The following MAST4 variants were observed in gnomAD, a reference collection of about 807,000 sequenced individuals.
The protein encoded by MAST4 is microtubule associated serine/threonine kinase family member 4, also known as microtubule-associated serine/threonine-protein kinase 4.
In MAST4, 89 loss-of-function variants were observed where a neutral mutation model predicts 162.7. That is an observed-to-expected ratio of 0.55 (90% CI 0.46 to 0.65). MAST4 has a LOEUF of 0.65. MAST4 is among the 30% of genes least tolerant of loss of function. The probability of loss-of-function intolerance (pLI) is 0.00; values close to 1 mark genes in which losing one functional copy is unlikely to be tolerated. For missense variants in MAST4, 3,153 were observed against 3,374.0 expected, an observed-to-expected ratio of 0.93 and a Z score of 1.62; for synonymous variants, 1,479 against 1,361.1, an observed-to-expected ratio of 1.09 and a Z score of -1.91.
rs539205257 is a variant in MAST4, at chr5:66,620,793, A to T, written c.363+23775A>T. On this transcript the variant is annotated intron_variant, in intron 1 of 28. Transcript: ENST00000403625. ...TTACAGGTCCTGATTTTTTTTTTTT[A>T]AATGTCTCACCAGAAGTGATAACTC... Among the ~76,000 whole-genome samples the T allele has an allele frequency of 4.9e-4, 74 of 149,566 alleles. 1 individual carries two copies. The highest frequency in any genetic ancestry group is 4.5e-3 in the Admixed American group (68 of 15,116).
At chr5:66,599,172 A>G (rs1207937647) in intron 1 of MAST4, among the ~76,000 whole-genome samples, 1 of 152,106 alleles carries the variant, frequency 6.6e-6, no homozygotes, top group Non-Finnish European at 1.5e-5. Context: ...GGAGTAGAGG[A>G]GTGATAATCT....
chr5:66,963,387 A>G (rs1228570877), intron 4 of MAST4, among the ~76,000 whole-genome samples: 1 of 152,204 alleles, frequency 6.6e-6, no homozygotes, highest in Admixed American at 6.5e-5. Flanking sequence ...AATAAAATAT[A>G]CTCAATATAA....
intron 4 of MAST4, among the ~76,000 whole-genome samples, chr5:66,932,546 C>A (rs987551567): frequency 7.2e-5 from 11 of 152,100 alleles, no homozygotes; most frequent in Non-Finnish European, 1.2e-4. Context: ...TGTGCTTATG[C>A]TTTGAATTAA....
chr5:66,803,838 C>T (rs1756041714), intron 3 of MAST4, among the ~76,000 whole-genome samples: 1 of 151,884 alleles, frequency 6.6e-6, no homozygotes. Context: ...TTAGGACTTC[C>T]AGGATTAAGT....
chr5:66,986,577 A>ATT, intron 4 of MAST4: 2 of 527,912 alleles, frequency 3.8e-6, no homozygotes, highest in Non-Finnish European at 5.5e-6. Context: ...ACATATATAT[A>ATT]TTAAAAATAT....
intron 11 of MAST4, among the ~76,000 whole-genome samples, chr5:67,113,187 G>A (rs756214306): frequency 4.9e-4 from 75 of 151,880 alleles, no homozygotes; most frequent in Non-Finnish European, 3.1e-4. Flanking sequence ...GGTGGTGGGC[G>A]CCTGTAGTCC....
chr5:67,066,112 T>C (rs963111216), intron 5 of MAST4, among the ~76,000 whole-genome samples: 2 of 152,066 alleles, frequency 1.3e-5, no homozygotes, highest in African/African-American at 4.8e-5. Context: ...GAGAGATGAA[T>C]TTTGCTTGAA....
chr5:66,716,560 TATATTACCCA>T (rs995823713), intron 1 of MAST4, among the ~76,000 whole-genome samples: 14 of 151,584 alleles, frequency 9.2e-5, no homozygotes, highest in Non-Finnish European at 1.6e-4. Context: ...AGGGTCTCCC[TATATTACCCA>T]GGCTGGTCTT....
intron 5 of MAST4, among the ~76,000 whole-genome samples, chr5:67,076,500 CTGT>C (rs1423827693): frequency 6.6e-6 from 1 of 152,188 alleles, no homozygotes; most frequent in African/African-American, 2.4e-5. Flanking sequence ...TTTATTCTCT[CTGT>C]TATTAGCAAC....
intron 4 of MAST4, among the ~76,000 whole-genome samples, chr5:67,021,069 CT>C (rs1251428535): frequency 6.6e-6 from 1 of 152,146 alleles, no homozygotes; most frequent in Non-Finnish European, 1.5e-5. Flanking sequence ...TAATTTTACC[CT>C]TTTTCCATTG....
intron 4 of MAST4, among the ~76,000 whole-genome samples, chr5:66,981,200 T>G (rs2888109): frequency 7.7e-6 from 1 of 130,180 alleles, no homozygotes; most frequent in Non-Finnish European, 1.7e-5. Context: ...AAGTGGGATT[T>G]TTTTTGCAAA....
At chr5:66,622,259 G>A (rs958898624) in intron 1 of MAST4, among the ~76,000 whole-genome samples, 1 of 152,126 alleles carries the variant, frequency 6.6e-6, no homozygotes, top group East Asian at 1.9e-4. Flanking sequence ...GAAACAGCAA[G>A]TGCAAAGGCC....
rs1021689589 is a variant in MAST4, at chr5:67,123,089, A to T, written c.1745+1987A>T. ...AGTCAGTGAGGCTGACTGCCGGCTTATGGGAACTGGCTGAACAAATGTATC... is the reference window on the plus strand; with the variant it reads ...AGTCAGTGAGGCTGACTGCCGGCTTTTGGGAACTGGCTGAACAAATGTATC... On this transcript the variant is annotated intron_variant, in intron 14 of 28. Coordinates refer to ENST00000403625, the MANE Select transcript of MAST4 (RefSeq NM_001164664.2). 3.9e-5 allele frequency among the ~76,000 whole-genome samples: 6 copies of T among 152,186 alleles called. No individual in the cohort carries two copies. In the East Asian group the frequency reaches 1.2e-3, roughly 29 times the overall value.
At chr5:66,867,057 A>G (rs753986640) in intron 3 of MAST4, among the ~76,000 whole-genome samples, 1 of 152,216 alleles carries the variant, frequency 6.6e-6, no homozygotes, top group Non-Finnish European at 1.5e-5. Flanking sequence ...CACTATGCCC[A>G]GCTAATTAAA....
chr5:66,637,717 T>C (rs1561229348), intron 1 of MAST4, among the ~76,000 whole-genome samples: 2 of 152,302 alleles, frequency 1.3e-5, no homozygotes, highest in South Asian at 4.1e-4. Flanking sequence ...CTTTCTTTTT[T>C]TCTTTTGAGA....
intron 3 of MAST4, among the ~76,000 whole-genome samples, chr5:66,849,539 T>C (rs545994081): frequency 3.9e-5 from 6 of 152,302 alleles, no homozygotes; most frequent in Admixed American, 2.6e-4. Flanking sequence ...CTTGAGCATT[T>C]CTTTGCCCAG....
chr5:66,702,798 C>G (rs1749864586), intron 1 of MAST4, among the ~76,000 whole-genome samples: 1 of 152,138 alleles, frequency 6.6e-6, no homozygotes, highest in Admixed American at 6.5e-5. Flanking sequence ...GCCTTTTGTA[C>G]TGAGTGGATG....
chr5:66,803,242 G>A (rs1016009485), intron 3 of MAST4, among the ~76,000 whole-genome samples: 8 of 152,026 alleles, frequency 5.3e-5, no homozygotes, highest in Non-Finnish European at 7.4e-5. Context: ...TTTTGTAGTC[G>A]GTCAATCCAT....
intron 1 of MAST4, among the ~76,000 whole-genome samples, chr5:66,741,748 T>G (rs1752487718): frequency 6.6e-6 from 1 of 151,982 alleles, no homozygotes; most frequent in Non-Finnish European, 1.5e-5. Context: ...GGTGAGGAGG[T>G]GGCCTGGCTT....
Sources: gnomAD v4.1 joint callset for allele counts (sites outside exome capture counted in the v4.1 genomes callset) on GRCh38, gnomAD v4.1.1 for gene constraint, MANE v1.5 for transcripts, NCBI Gene and HGNC (gene_info 2026-07-23, HGNC 2026-07-21) for gene names.